The following ATG7 variants were observed in gnomAD, a reference collection of about 807,000 sequenced individuals.
The protein encoded by ATG7 is autophagy related 7.
Under a neutral mutation model 82.4 loss-of-function variants are expected in ATG7, and 70 were observed. The observed-to-expected ratio is 0.85, with a 90% confidence interval of 0.70 to 1.04. ATG7 has a LOEUF of 1.04. ATG7 is among the 50% of genes least tolerant of loss of function. The probability of loss-of-function intolerance (pLI) is 0.00; values close to 1 mark genes in which losing one functional copy is unlikely to be tolerated. For missense variants in ATG7, 792 were observed against 864.3 expected (o/e 0.92, Z 1.05); for synonymous variants, 287 against 313.0 (o/e 0.92, Z 0.88).
chr3:11,360,491 A>G, intron 15 of ATG7, 90 bp from the exon 16 acceptor site: 1 of 1,345,450 alleles, frequency 7.4e-7, no homozygotes, highest in Non-Finnish European at 1.0e-6. Context: ...CAAAAAATAA[A>G]TTTTAAAAAG....
chr3:11,442,876 G>A (rs1016173681), intron 20 of ATG7, among the ~76,000 whole-genome samples: 11 of 150,414 alleles, frequency 7.3e-5, no homozygotes, highest in African/African-American at 1.7e-4. Flanking sequence ...AGCTAAGATT[G>A]TGCCACTTCA....
intron 11 of ATG7, among the ~76,000 whole-genome samples, chr3:11,337,406 T>G (rs1314482672): frequency 1.3e-5 from 2 of 152,036 alleles, no homozygotes; most frequent in East Asian, 3.9e-4. Context: ...TGAGCCAAGA[T>G]AAGTGCCACT....
At chr3:11,573,245 GAGAAAGAAAGAAAGAAAGAA>G in the ATG7 span, among the ~76,000 whole-genome samples, 133 of 78,760 alleles carry the variant, frequency 1.7e-3, 5 homozygotes, top group Non-Finnish European at 2.2e-3. Flanking sequence ...AAAAGAAATA[GAGAAAGAAAGAAAGAAAGAA>G]AGAAAGAAAG....
intron 17 of ATG7, chr3:11,363,241 C>CTTT: frequency 1.9e-5 from 3 of 155,500 alleles, no homozygotes; most frequent in South Asian, 3.2e-4. Flanking sequence ...CTCCTTCAAT[C>CTTT]TTTTTTTTTT....
chr3:11,559,478 T>C (rs1233443589), downstream of ATG7: 1 of 1,539,100 alleles, frequency 6.5e-7, no homozygotes, highest in Non-Finnish European at 8.8e-7. Flanking sequence ...GGGGTGTCAG[T>C]ATGTGGAGAC....
chr3:11,438,021 T>C lies in ATG7; in HGVS notation c.2079+11095T>C, dbSNP rs569291799. On this transcript the variant is annotated intron_variant, in intron 20 of 20. Coordinates refer to ENST00000693202, the MANE Select transcript of ATG7 (RefSeq NM_001349232.2). ...TTATACTTAGAGTTTTTTCCAATAA[T>C]ACTTAAGCACTGGTCATACATACCA... Among the ~76,000 whole-genome samples, 15 of 152,366 alleles carry C rather than the reference T, an allele frequency of 9.8e-5. No individual in the cohort carries two copies. The East Asian group carries it at 1.5e-3, about 16-fold the overall frequency.
At chr3:11,546,659 C>CGTCT (rs2071318278) in intron 20 of ATG7, among the ~76,000 whole-genome samples, 1 of 152,180 alleles carries the variant, frequency 6.6e-6, no homozygotes, top group Non-Finnish European at 1.5e-5. Flanking sequence ...CTTTCAAACT[C>CGTCT]GTCTGTCTCC....
At chr3:11,460,271 C>G (rs2086179538) in intron 20 of ATG7, among the ~76,000 whole-genome samples, 1 of 152,308 alleles carries the variant, frequency 6.6e-6, no homozygotes, top group Non-Finnish European at 1.5e-5. Flanking sequence ...GAGGAGCATA[C>G]ATAGGCCATG....
chr3:11,430,296 G>A (rs1546230), intron 20 of ATG7, among the ~76,000 whole-genome samples: 31,971 of 151,858 alleles, frequency 0.21, 3,795 homozygotes, highest in South Asian at 0.35. Context: ...GTGTGTATGC[G>A]CATATAAGCA....
At chr3:11,292,072 A>G (rs1945065343) in intron 3 of ATG7, among the ~76,000 whole-genome samples, 5 of 152,086 alleles carry the variant, frequency 3.3e-5, no homozygotes, top group Admixed American at 2.6e-4. Context: ...GAGGTGTGAG[A>G]TGATGGAGCC....
chr3:11,364,719 G>T lies in ATG7; in HGVS notation c.1860G>T (p.Gly620=), dbSNP rs769351153. The T allele has an allele frequency of 6.2e-7, 1 of 1,614,122 alleles. No homozygotes were observed. The highest frequency in any genetic ancestry group is 8.5e-7 in the Non-Finnish European group (1 of 1,179,994). Residue 620 remains glycine (G), a synonymous_variant, in exon 18 of 21, where the codon GGG becomes GGT. Coordinates refer to ENST00000693202, the MANE Select transcript of ATG7 (RefSeq NM_001349232.2). The stretch of plus-strand genomic sequence containing the variant: ...TGAATGAGCCTCCAACCTCTCTTGG[G>T]CTTGTGCCTCACCAGGTTAGTGATG... ...DRMNEPPTSL[G]LVPHQIRGFL... is the part of the protein sequence containing the mutation.
chr3:11,564,755 G>T, the ATG7 span: 1 of 1,528,496 alleles, frequency 6.5e-7, no homozygotes. Context: ...CAGTCCCCCA[G>T]CCCCTGGACT....
chr3:11,273,665 A>G (rs1056770658), intron 1 of ATG7, among the ~76,000 whole-genome samples: 6 of 152,228 alleles, frequency 3.9e-5, no homozygotes, highest in African/African-American at 1.4e-4. Flanking sequence ...GAATGAATAA[A>G]ACAAATATTT....
chr3:11,395,824 C>CA (rs2079177032), intron 19 of ATG7, among the ~76,000 whole-genome samples: 1 of 151,756 alleles, frequency 6.6e-6, no homozygotes, highest in South Asian at 2.1e-4. Flanking sequence ...CCTGTAGTCC[C>CA]AGCTACTCGG....
chr3:11,493,852 A>G (rs1379313590), intron 20 of ATG7, among the ~76,000 whole-genome samples: 1 of 152,230 alleles, frequency 6.6e-6, no homozygotes, highest in Non-Finnish European at 1.5e-5. Context: ...TAGAAGTTGA[A>G]TGGAGAGAAC....
At chr3:11,299,264 G>A (rs1365887577) in intron 4 of ATG7, 98 bp from the exon 5 acceptor site, 35 of 1,225,518 alleles carry the variant, frequency 2.9e-5, no homozygotes, top group Non-Finnish European at 3.9e-5. Flanking sequence ...GGGGCGCCTT[G>A]GGCTCAACAA....
At chr3:11,478,912 G>C (rs1422425786) in intron 20 of ATG7, among the ~76,000 whole-genome samples, 1 of 150,862 alleles carries the variant, frequency 6.6e-6, no homozygotes, top group African/African-American at 2.4e-5. Flanking sequence ...TTAAGCTCTG[G>C]GTAACTTAAG....
At chr3:11,420,753 CTTTTTTTTTTT>C (rs869277638) in intron 19 of ATG7, among the ~76,000 whole-genome samples, 1 of 126,050 alleles carries the variant, frequency 7.9e-6, no homozygotes, top group Non-Finnish European at 1.7e-5. Flanking sequence ...ATACAAAATA[CTTTTTTTTTTT>C]TTTTTTTTTT....
chr3:11,292,102 T>C (rs772639176), intron 3 of ATG7, among the ~76,000 whole-genome samples: 98 of 152,206 alleles, frequency 6.4e-4, no homozygotes, highest in Non-Finnish European at 1.2e-3. Flanking sequence ...GCAGTGGGAA[T>C]GGAGAGAAGG....
Sources: gnomAD v4.1 joint callset for allele counts (sites outside exome capture counted in the v4.1 genomes callset) on GRCh38, gnomAD v4.1.1 for gene constraint, MANE v1.5 for transcripts, NCBI Gene and HGNC (gene_info 2026-07-23, HGNC 2026-07-21) for gene names.